CCND1: variants seen among roughly 807,000 people sequenced by gnomAD.
The protein encoded by CCND1 is cyclin D1, also known as G1/S-specific cyclin-D1.
A neutral mutation model predicts 26.1 loss-of-function variants in CCND1; 9 were observed. That is an observed-to-expected ratio of 0.35 (90% CI 0.21 to 0.60). The LOEUF is 0.60. Ranked by LOEUF, CCND1 falls within the 20% of genes least tolerant of loss-of-function variation. The pLI, the probability that CCND1 is intolerant of heterozygous loss-of-function variation, is 0.79. For synonymous variants in CCND1, 194 were observed against 166.1 expected, an observed-to-expected ratio of 1.17 and a Z score of -1.29; for missense variants, 335 against 392.9, an observed-to-expected ratio of 0.85 and a Z score of 1.25.
chr11:69,644,266 G>A (rs1041404873), intron 3 of CCND1: 4 of 492,208 alleles, frequency 8.1e-6, no homozygotes, highest in African/African-American at 3.9e-5. Flanking sequence ...CTCTGGCCTC[G>A]TCCTTCAGGC....
intron 3 of CCND1, among the ~76,000 whole-genome samples, chr11:69,644,528 G>A (rs1855754713): frequency 6.6e-6 from 1 of 152,202 alleles, no homozygotes; most frequent in South Asian, 2.1e-4. Flanking sequence ...TCGGCTGCCT[G>A]AGGCCCTGCC....
Position 69,651,298 on chromosome 11 carries a change from G to A in CCND1, c.*16G>A, listed in dbSNP as rs762429663. 28 of 1,456,628 alleles carry A rather than the reference G, an allele frequency of 1.9e-5. No homozygotes were observed. The highest frequency in any genetic ancestry group is 5.8e-5 in the African/African-American group (4 of 68,596). The allele number at this position is 1,456,628 out of a possible 1,614,324, so 90.2% of individuals were successfully genotyped here. A position where few individuals can be genotyped will look rare whatever the true frequency, so the allele number is the denominator to read the frequency against. On this transcript the variant is annotated 3_prime_UTR_variant, in exon 5 of 5. Transcript: ENST00000227507. ...GGACATCTGAGGGCGCCAGGCAGGCGGGCGCCACCGCCACCCGCAGCGAGG... is the reference window on the plus strand; with the variant it reads ...GGACATCTGAGGGCGCCAGGCAGGCAGGCGCCACCGCCACCCGCAGCGAGG...
In CCND1 at chr11:69,643,879, A is replaced by G. The variant is rs777523386; in HGVS notation, c.462A>G (p.Ala154=). ...ACAAGCTCAAGTGGAACCTGGCCGC[A>G]ATGACCCCGCACGATTTCATTGAAC... ...LVNKLKWNLA[A]MTPHDFIEHF... Residue 154 remains alanine (A), a synonymous_variant, in exon 3 of 5, where the codon GCA becomes GCG. Transcript: ENST00000227507. The G allele has an allele frequency of 6.2e-7, 1 of 1,613,478 alleles. No homozygotes were observed. Among genetic ancestry groups the G allele is most frequent in the South Asian group, 1.1e-5 (1 of 91,074 alleles).
chr11:69,651,516 T>C lies in CCND1; in HGVS notation c.*234T>C, dbSNP rs1464026391. ...AAAAGAGAGAGAGAGAAAAAAAAAA[T>C]AGTATTTGCATAACCCTGAGCGGTG... On this transcript the variant is annotated 3_prime_UTR_variant, in exon 5 of 5. Coordinates refer to ENST00000227507, the MANE Select transcript of CCND1 (RefSeq NM_053056.3). 2 of 413,072 alleles carry C rather than the reference T, an allele frequency of 4.8e-6. No individual in the cohort carries two copies. Among genetic ancestry groups the C allele is most frequent in the Non-Finnish European group, 8.5e-6 (2 of 235,918 alleles). The allele number at this position is 413,072 out of a possible 1,614,324, so 25.6% of individuals were successfully genotyped here. A position where few individuals can be genotyped will look rare whatever the true frequency, so the allele number is the denominator to read the frequency against.
chr11:69,646,309 T>G (rs1478699037), intron 3 of CCND1, among the ~76,000 whole-genome samples: 1 of 152,234 alleles, frequency 6.6e-6, no homozygotes, highest in Non-Finnish European at 1.5e-5. Context: ...GTTAAGGATT[T>G]CTTTTTCTAA....
intron 1 of CCND1, among the ~76,000 whole-genome samples, 188 bp from the exon 2 acceptor site, chr11:69,642,843 C>T (rs1186833454): frequency 3.5e-5 from 5 of 141,524 alleles, no homozygotes; most frequent in Non-Finnish European, 7.8e-5. Context: ...CTTTCAGTTT[C>T]GGGGAGGGTG....
chr11:69,643,336 C>T (rs1398088452), intron 2 of CCND1, 90 bp downstream of exon 2: 1 of 1,063,552 alleles, frequency 9.4e-7, no homozygotes, highest in Non-Finnish European at 1.3e-6. Flanking sequence ...GCGGCCGGCC[C>T]GCCTCTGACA....
At chr11:69,642,985 G>A (rs776353719) in intron 1 of CCND1, 46 bp from the exon 2 acceptor site, 21 of 1,417,418 alleles carry the variant, frequency 1.5e-5, no homozygotes, top group Admixed American at 2.3e-5. Flanking sequence ...GTGCGGGGGG[G>A]CGGCGCGACC....
At chr11:69,647,287 G>A (rs966047881) in intron 3 of CCND1, among the ~76,000 whole-genome samples, 1 of 151,960 alleles carries the variant, frequency 6.6e-6, no homozygotes, top group Non-Finnish European at 1.5e-5. Context: ...GAAGGTCACT[G>A]TGACAGTCAT....
In CCND1 at chr11:69,643,229, C is replaced by T. The variant is rs2120090191; in HGVS notation, c.397C>T (p.Arg133Trp). ...GTGCATCTACACCGACAACTCCATC[C>T]GGCCCGAGGAGCTGCTGGTAACCAC... is the stretch of plus-strand genomic sequence containing the variant. ...KLCIYTDNSI[R>W]PEELLQMELL... The change falls in exon 2 of 5, where the codon CGG becomes TGG. Residue 133 changes from arginine (R) to tryptophan (W), a missense_variant. Arg to Trp is a moderately radical substitution (Grantham distance 101). Coordinates refer to ENST00000227507, the MANE Select transcript of CCND1 (RefSeq NM_053056.3). 1.3e-6 allele frequency: 2 copies of T among 1,587,962 alleles called. No individual in the cohort carries two copies. The highest frequency in any genetic ancestry group is 1.7e-6 in the Non-Finnish European group (2 of 1,168,146).
intron 3 of CCND1, among the ~76,000 whole-genome samples, chr11:69,646,074 G>C (rs1042175221): frequency 2.0e-5 from 3 of 152,166 alleles, no homozygotes; most frequent in African/African-American, 7.2e-5. Flanking sequence ...GTGGGGGCAC[G>C]AGCTTCTGAA....
intron 4 of CCND1, 98 bp from the exon 5 acceptor site, chr11:69,651,020 T>C (rs1197935292): frequency 3.3e-6 from 4 of 1,217,716 alleles, no homozygotes; most frequent in Non-Finnish European, 3.4e-6. Flanking sequence ...CTTGCTCTTA[T>C]AAAGGCTTCC....
At chr11:69,645,929 T>C (rs1855772649) in intron 3 of CCND1, among the ~76,000 whole-genome samples, 1 of 152,142 alleles carries the variant, frequency 6.6e-6, no homozygotes, top group Admixed American at 6.5e-5. Context: ...GTGAGGAACG[T>C]CCAGTGCCAA....
rs2120119478 is a variant in CCND1 at position 69,651,125 on chromosome 11, T to C, written c.731T>C (p.Leu244Pro). 6.2e-7 allele frequency: 1 copy of C among 1,612,418 alleles called. No individual in the cohort carries two copies. Among genetic ancestry groups the C allele is most frequent in the Non-Finnish European group, 8.5e-7 (1 of 1,179,236 alleles). ...CCACCCTCTCTCTCTCAGGACTGCC[T>C]CCGGGCCTGCCAGGAGCAGATCGAA... is the stretch of plus-strand genomic sequence containing the variant. ...SRVIKCDPDCLRACQEQIEAL... is the reference protein window; with the variant it reads ...SRVIKCDPDCPRACQEQIEAL... Residue 244 changes from leucine (L) to proline (P), a missense_variant, in exon 5 of 5, where the codon CTC becomes CCC. By Grantham distance (98) the Leu-to-Pro change is moderately conservative. Coordinates refer to ENST00000227507, the MANE Select transcript of CCND1 (RefSeq NM_053056.3).
rs1056928220 is a variant in CCND1 at position 69,653,973 on chromosome 11, A to C, written c.*2691A>C. On this transcript the variant is annotated 3_prime_UTR_variant, in exon 5 of 5. Transcript: ENST00000227507. ...TAATTTAAAGAGACTCCAAATCTCA[A>C]TGAAGCCAGCTCACAGTGCTGTGTG... The C allele has an allele frequency of 3.4e-6, 2 of 582,156 alleles. No homozygotes were observed. Among genetic ancestry groups the C allele is most frequent in the Non-Finnish European group, 6.1e-6 (2 of 327,492 alleles). The allele number at this position is 582,156 out of a possible 1,614,324, so 36.1% of individuals were successfully genotyped here.
Position 69,654,460 on chromosome 11 carries a change from ACTGGTAAAAC to A in CCND1, c.*3180_*3189del, listed in dbSNP as rs1417251326. 1.5e-6 allele frequency: 1 copy of A among 656,750 alleles called. No individual in the cohort carries two copies. Among genetic ancestry groups the A allele is most frequent in the Admixed American group, 2.2e-5 (1 of 46,426 alleles). 40.7% of individuals were successfully genotyped at this position (656,750 alleles called of 1,614,324 possible). A position where few individuals can be genotyped will look rare whatever the true frequency, so the allele number is the denominator to read the frequency against. ...ACAAACATGAAAGTCTAGAAATAAAACTGGTAAAACCCCAGCGTGGTGCCTGCCTCTTTGC... is the reference window on the plus strand; with the variant it reads ...ACAAACATGAAAGTCTAGAAATAAAACCCAGCGTGGTGCCTGCCTCTTTGC... On this transcript the variant is annotated 3_prime_UTR_variant, in exon 5 of 5. Coordinates refer to ENST00000227507, the MANE Select transcript of CCND1 (RefSeq NM_053056.3). The surrounding 1 kb of genome is among the most constrained non-coding windows in gnomAD (Gnocchi z 6.3).
At chr11:69,642,114 T>G in intron 1 of CCND1, among the ~76,000 whole-genome samples, 1 of 145,324 alleles carries the variant, frequency 6.9e-6, no homozygotes. Context: ...GGACGCGGCA[T>G]GGGTAGTTTT....
rs888286902 is a variant in CCND1 at position 69,646,342 on chromosome 11, G to A, written c.575-1652G>A. ...TAAGTTGTTACGGCGCCCAGCAGCC[G>A]GCTTTGTCTCCCCTTCAGGGTGGCT... On this transcript the variant is annotated intron_variant, in intron 3 of 4. Coordinates refer to ENST00000227507, the MANE Select transcript of CCND1 (RefSeq NM_053056.3). Among the ~76,000 whole-genome samples the A allele has an allele frequency of 5.3e-5, 8 of 152,258 alleles. No individual in the cohort carries two copies. In the East Asian group the frequency reaches 7.7e-4, roughly 15 times the overall value.
At chr11:69,650,347 C>T (rs1855838508) in intron 4 of CCND1, among the ~76,000 whole-genome samples, 1 of 152,220 alleles carries the variant, frequency 6.6e-6, no homozygotes, top group Non-Finnish European at 1.5e-5. Flanking sequence ...TAGGAGAGGC[C>T]CCTGGCTGGG....
Sources: gnomAD v4.1 joint callset for allele counts (sites outside exome capture counted in the v4.1 genomes callset) on GRCh38, gnomAD v4.1.1 for gene constraint, Gnocchi (gnomAD v3.1) non-coding constraint, MANE v1.5 for transcripts, NCBI Gene and HGNC (gene_info 2026-07-23, HGNC 2026-07-21) for gene names.